Variants in RBFOX1 observed in about 807,000 individuals in gnomAD.
RBFOX1 encodes RNA binding fox-1 homolog 1, also known as RNA binding protein fox-1 homolog 1.
Under a neutral mutation model 57.7 loss-of-function variants are expected in RBFOX1, and 8 were observed. The ratio of observed to expected loss-of-function variants is 0.14; its 90% confidence interval spans 0.08 to 0.25. The LOEUF is 0.25. RBFOX1 is among the 10% of genes least tolerant of loss of function. RBFOX1 has a pLI of 1.00. For synonymous variants in RBFOX1, 326 were observed against 222.4 expected (o/e 1.47, Z -4.15); for missense variants, 611 against 548.5 (o/e 1.11, Z -1.14).
intron 3 of RBFOX1, among the ~76,000 whole-genome samples, chr16:5,817,002 C>G (rs546314250): frequency 2.0e-5 from 3 of 152,304 alleles, no homozygotes; most frequent in African/African-American, 7.2e-5. Context: ...AGTCTCTCCT[C>G]TCATGCAAAT....
chr16:7,485,899 C>T (rs1838944522), intron 4 of RBFOX1, among the ~76,000 whole-genome samples: 1 of 152,168 alleles, frequency 6.6e-6, no homozygotes, highest in Non-Finnish European at 1.5e-5. Flanking sequence ...TTTATTGGCA[C>T]ATAGCCACAC....
intron 1 of RBFOX1, among the ~76,000 whole-genome samples, chr16:6,200,432 G>A (rs998660112): frequency 6.6e-6 from 1 of 152,132 alleles, no homozygotes; most frequent in African/African-American, 2.4e-5. Context: ...TGGTGTGGGT[G>A]ATTCCAGTTG....
chr16:6,992,128 G>T (rs1319641924), intron 3 of RBFOX1, among the ~76,000 whole-genome samples: 8 of 151,822 alleles, frequency 5.3e-5, no homozygotes, highest in African/African-American at 1.9e-4. Context: ...TTCCTTTCCA[G>T]TCTGTGTAGG....
chr16:7,307,170 T>C (rs4331351), intron 4 of RBFOX1, among the ~76,000 whole-genome samples: 24,724 of 152,202 alleles, frequency 0.16, 3,948 homozygotes, highest in African/African-American at 0.4. Flanking sequence ...ATTTATCATT[T>C]TGTTTTATAA....
chr16:7,080,459 A>G (rs1260293070), intron 4 of RBFOX1, among the ~76,000 whole-genome samples: 2 of 152,158 alleles, frequency 1.3e-5, no homozygotes, highest in South Asian at 2.1e-4. Flanking sequence ...TACTGAATAC[A>G]TGTAACAGAG....
At chr16:7,553,885 T>A (rs1374979331) in intron 5 of RBFOX1, among the ~76,000 whole-genome samples, 3 of 152,228 alleles carry the variant, frequency 2.0e-5, no homozygotes. Context: ...TGGCAGGTCT[T>A]TTTGAAGAGC....
At chr16:7,478,306 A>C (rs73500376) in intron 4 of RBFOX1, among the ~76,000 whole-genome samples, 2,597 of 152,314 alleles carry the variant, frequency 0.017, 98 homozygotes, top group African/African-American at 0.059. Context: ...ACCTTGTTCA[A>C]ATAGCTAAAA....
At chr16:6,560,673 A>C (rs76809884) in intron 2 of RBFOX1, among the ~76,000 whole-genome samples, 16 of 152,192 alleles carry the variant, frequency 1.1e-4, no homozygotes, top group African/African-American at 3.9e-4. Context: ...TTACATTTCA[A>C]ATGAATAATT....
intron 1 of RBFOX1, among the ~76,000 whole-genome samples, chr16:5,337,854 G>T (rs976160014): frequency 5.9e-5 from 9 of 151,894 alleles, no homozygotes; most frequent in African/African-American, 2.2e-4. Flanking sequence ...GACCATCCTG[G>T]GTAACACAGT....
intron 3 of RBFOX1, among the ~76,000 whole-genome samples, chr16:5,699,034 C>G (rs2050940921): frequency 7.1e-6 from 1 of 141,246 alleles, no homozygotes; most frequent in African/African-American, 2.7e-5. Flanking sequence ...GTTGCCCGGG[C>G]TGGAATGCGA....
intron 4 of RBFOX1, among the ~76,000 whole-genome samples, chr16:7,272,254 G>C (rs1450400515): frequency 6.6e-6 from 1 of 151,972 alleles, no homozygotes; most frequent in Admixed American, 6.6e-5. Flanking sequence ...GTATCACCTC[G>C]GCTCACTGCA....
At chr16:5,760,609 T>G (rs1451734570) in intron 3 of RBFOX1, among the ~76,000 whole-genome samples, 1 of 152,174 alleles carries the variant, frequency 6.6e-6, no homozygotes, top group Non-Finnish European at 1.5e-5. Context: ...GGATGAACCT[T>G]GAAAACATGA....
intron 4 of RBFOX1, among the ~76,000 whole-genome samples, chr16:7,173,482 C>A (rs987848739): frequency 6.6e-6 from 1 of 150,844 alleles, no homozygotes; most frequent in African/African-American, 2.4e-5. Context: ...AACACGAGTT[C>A]CATTTGACAC....
chr16:7,279,843 A>G (rs1295727254), intron 4 of RBFOX1, among the ~76,000 whole-genome samples: 1 of 152,184 alleles, frequency 6.6e-6, no homozygotes, highest in Non-Finnish European at 1.5e-5. Flanking sequence ...TTCTATCCCT[A>G]AAGAGCCAGC....
At chr16:7,303,944 C>T (rs537091134) in intron 4 of RBFOX1, among the ~76,000 whole-genome samples, 1 of 152,020 alleles carries the variant, frequency 6.6e-6, no homozygotes, top group East Asian at 2.0e-4. Flanking sequence ...TTCCCTCTGC[C>T]GGTTCTCGTG....
intron 2 of RBFOX1, among the ~76,000 whole-genome samples, chr16:6,609,948 C>T (rs937657627): frequency 2.0e-5 from 3 of 151,960 alleles, no homozygotes; most frequent in African/African-American, 4.8e-5. Context: ...GTGGAGGTTG[C>T]CGTGAGCCGA....
At chr16:6,761,856 A>G (rs1283085518) in intron 3 of RBFOX1, among the ~76,000 whole-genome samples, 2 of 151,826 alleles carry the variant, frequency 1.3e-5, no homozygotes, top group South Asian at 2.1e-4. Flanking sequence ...ACTCAAAGCA[A>G]CTACATCTCT....
chr16:7,150,244 G>C (rs1041934719), intron 4 of RBFOX1, among the ~76,000 whole-genome samples: 1 of 152,194 alleles, frequency 6.6e-6, no homozygotes, highest in Non-Finnish European at 1.5e-5. Context: ...AAATGTAAGA[G>C]GTAAAAGAGA....
intron 11 of RBFOX1, among the ~76,000 whole-genome samples, chr16:7,631,978 C>T (rs2061040238): frequency 6.6e-6 from 1 of 152,158 alleles, no homozygotes; most frequent in Non-Finnish European, 1.5e-5. Context: ...GGTGCCATCT[C>T]AGCTCACTGC....
Sources: allele counts gnomAD v4.1 joint callset (sites outside exome capture counted in the v4.1 genomes callset), GRCh38; gene constraint gnomAD v4.1.1; transcripts MANE v1.5; gene names NCBI Gene and HGNC (gene_info 2026-07-23, HGNC 2026-07-21).